The following HIRA variants were observed in gnomAD, a reference collection of about 807,000 sequenced individuals.
HIRA encodes protein HIRA.
Under a neutral mutation model 126.6 loss-of-function variants are expected in HIRA, and 13 were observed. The ratio of observed to expected loss-of-function variants is 0.10; its 90% CI spans 0.07 to 0.16. The LOEUF (loss-of-function observed/expected upper bound fraction) is 0.16, where lower values mean the gene tolerates loss of function less well. Among genes scored for constraint, HIRA ranks in the 10% least tolerant of loss-of-function variants. The probability of loss-of-function intolerance (pLI) is 1.00; values close to 1 mark genes in which losing one functional copy is unlikely to be tolerated. For synonymous variants in HIRA, 511 were observed against 520.0 expected (o/e 0.98, Z 0.24); for missense variants, 834 against 1,314.4 (o/e 0.63, Z 5.65).
At chr22:19,366,227 T>TG (rs1364109969) in intron 15 of HIRA, among the ~76,000 whole-genome samples, 8 of 151,138 alleles carry the variant, frequency 5.3e-5, no homozygotes, top group East Asian at 3.9e-4. Context: ...CCAGGTGTGG[T>TG]GGGGGGCGCC....
chr22:19,369,001 T>G (rs2088940059), intron 15 of HIRA, among the ~76,000 whole-genome samples: 1 of 152,164 alleles, frequency 6.6e-6, no homozygotes, highest in Admixed American at 6.5e-5. Flanking sequence ...TGGGCTTGTA[T>G]CAGTTGTTAC....
chr22:19,391,712 C>T (rs1210025608), intron 9 of HIRA, among the ~76,000 whole-genome samples: 1 of 152,098 alleles, frequency 6.6e-6, no homozygotes, highest in Non-Finnish European at 1.5e-5. Flanking sequence ...GAACTCCTGA[C>T]CTTGTGATCC....
intron 24 of HIRA, among the ~76,000 whole-genome samples, chr22:19,349,010 C>T (rs1307092459): frequency 6.6e-6 from 1 of 151,730 alleles, no homozygotes; most frequent in Non-Finnish European, 1.5e-5. Flanking sequence ...TCTCAAACTC[C>T]TGACCTCAGG....
intron 15 of HIRA, among the ~76,000 whole-genome samples, chr22:19,364,478 G>A (rs2088894181): frequency 1.3e-5 from 2 of 152,096 alleles, no homozygotes; most frequent in South Asian, 4.2e-4. Flanking sequence ...CCCAACAGCA[G>A]GTGCTCATTT....
At chr22:19,364,840 T>C (rs986169569) in intron 15 of HIRA, among the ~76,000 whole-genome samples, 3 of 152,162 alleles carry the variant, frequency 2.0e-5, no homozygotes, top group African/African-American at 7.2e-5. Context: ...GGAAGGCACA[T>C]TGAAAGCTGA....
intron 24 of HIRA, among the ~76,000 whole-genome samples, chr22:19,338,409 A>G (rs79229939): frequency 2.3e-4 from 6 of 26,530 alleles, no homozygotes. Context: ...TAACAAAATG[A>G]AAAAAAAAAA....
Position 19,429,219 on chromosome 22 carries a change from C to A in HIRA, c.37+2221G>T, listed in dbSNP as rs2089512189. 2.9e-5 allele frequency among the ~76,000 whole-genome samples: 4 copies of A among 138,716 alleles called. No individual in the cohort carries two copies. The South Asian group carries it at 9.7e-4, about 34-fold the overall frequency. 91.0% of individuals were successfully genotyped at this position (138,716 alleles called of 152,430 possible). ...GTGGCGCGATCTCGGCTCACTGCAA[C>A]CTCTACCTCCCGGGCTCAAGCGATT... On this transcript the variant is annotated intron_variant, in intron 1 of 24. Coordinates refer to ENST00000263208, the MANE Select transcript of HIRA (RefSeq NM_003325.4).
In HIRA at chr22:19,392,165, G is replaced by T; in HGVS notation, c.872C>A (p.Ala291Glu). ...GCAGCAGTACGGGCAGCTAGGCTTC[G>T]CAGAACTCCCATTCTTCTGCTTCTT... is the stretch of plus-strand genomic sequence containing the variant. ...FKKKQKNGSS[A>E]KPSCPYCCCA... The change falls in exon 9 of 25, where the codon GCG becomes GAG. Residue 291 changes from alanine to glutamate, a missense_variant. By Grantham distance (107) the Ala-to-Glu change is moderately radical (BLOSUM62 -1). Around this residue, in one of 5 missense-constraint regions of HIRA, gnomAD observed 153 missense variants for 270.6 expected, o/e 0.57. Transcript: ENST00000263208. 1.2e-6 allele frequency: 2 copies of T among 1,608,508 alleles called. No individual in the cohort carries two copies. The highest frequency in any genetic ancestry group is 1.7e-6 in the Non-Finnish European group (2 of 1,175,464).
chr22:19,367,077 T>C (rs1601821655), intron 15 of HIRA, among the ~76,000 whole-genome samples: 2 of 152,184 alleles, frequency 1.3e-5, no homozygotes, highest in South Asian at 2.1e-4. Context: ...TTGGCATACA[T>C]TGAAATATCA....
intron 24 of HIRA, among the ~76,000 whole-genome samples, chr22:19,348,193 G>A (rs2088709500): frequency 6.6e-6 from 1 of 152,222 alleles, no homozygotes; most frequent in Non-Finnish European, 1.5e-5. Context: ...GTTGGCAGAA[G>A]CAAATAGAAG....
In HIRA at chr22:19,347,159, C is replaced by T. The variant is rs376669340; in HGVS notation, c.2937+4199G>A. On this transcript the variant is annotated intron_variant, in intron 24 of 24. Coordinates refer to ENST00000263208, the MANE Select transcript of HIRA (RefSeq NM_003325.4). ...CCTCCCACTCTAGTAGATGGCTCATCGGCCTGTCCTGGAGGTGAGATGTGC... is the reference window on the plus strand; with the variant it reads ...CCTCCCACTCTAGTAGATGGCTCATTGGCCTGTCCTGGAGGTGAGATGTGC... Among the ~76,000 whole-genome samples, 190 of 152,310 alleles carry T rather than the reference C, an allele frequency of 1.2e-3. 1 individual carries two copies. Among genetic ancestry groups the T allele is most frequent in the South Asian group, 8.7e-3 (42 of 4,822 alleles).
Position 19,331,249 on chromosome 22 carries a change from TG to T in HIRA, c.*190del. On this transcript the variant is annotated 3_prime_UTR_variant, in exon 25 of 25. Coordinates refer to ENST00000263208, the MANE Select transcript of HIRA (RefSeq NM_003325.4). ...GAGGGAGGGATGAGCTTCCCCCTCC[TG>T]AGGCAATGTCAGACCCAGGACACAG... is the stretch of plus-strand genomic sequence containing the variant. The T allele has an allele frequency of 6.6e-7, 1 of 1,512,224 alleles. No individual in the cohort carries two copies. Among genetic ancestry groups the T allele is most frequent in the South Asian group, 1.2e-5 (1 of 84,070 alleles). The allele number at this position is 1,512,224 out of a possible 1,614,324, so 93.7% of individuals were successfully genotyped here.
chr22:19,407,138 AG>A (rs1225760748), intron 4 of HIRA, 45 bp downstream of exon 4: 2 of 1,480,518 alleles, frequency 1.4e-6, no homozygotes. Context: ...AGACCAGCAA[AG>A]CAGCTTCTAA....
chr22:19,387,486 T>A (rs2089137706), intron 11 of HIRA, among the ~76,000 whole-genome samples: 1 of 152,208 alleles, frequency 6.6e-6, no homozygotes, highest in Non-Finnish European at 1.5e-5. Flanking sequence ...CCTAAAATAG[T>A]TCTACTCTTA....
At chr22:19,414,872 G>A (rs575735217) in intron 1 of HIRA, among the ~76,000 whole-genome samples, 1 of 152,196 alleles carries the variant, frequency 6.6e-6, no homozygotes, top group East Asian at 1.9e-4. Flanking sequence ...GGGTGACAGA[G>A]TGAGACTGTC....
At chr22:19,431,049 G>T (rs2089532641) in intron 1 of HIRA, among the ~76,000 whole-genome samples, 3 of 152,166 alleles carry the variant, frequency 2.0e-5, no homozygotes, top group Admixed American at 2.0e-4. Context: ...CCACTGAAAG[G>T]CCACAAGGGG....
intron 2 of HIRA, among the ~76,000 whole-genome samples, chr22:19,408,937 T>C (rs1485816761): frequency 2.0e-5 from 3 of 152,118 alleles, no homozygotes; most frequent in African/African-American, 7.2e-5. Context: ...GCACCTAGAC[T>C]CCGACTCCTT....
At chr22:19,411,522 G>T (rs908186427) in intron 1 of HIRA, among the ~76,000 whole-genome samples, 1 of 152,188 alleles carries the variant, frequency 6.6e-6, no homozygotes, top group African/African-American at 2.4e-5. Flanking sequence ...GTGGGCATTT[G>T]TCCAGCTCCC....
chr22:19,335,460 G>A (rs575095572), intron 24 of HIRA, among the ~76,000 whole-genome samples: 12 of 152,248 alleles, frequency 7.9e-5, no homozygotes, highest in Non-Finnish European at 1.5e-4. Flanking sequence ...GGCCAGGCTG[G>A]TCTTGAACTC....
Sources: gnomAD v4.1 joint callset for allele counts (sites outside exome capture counted in the v4.1 genomes callset) on GRCh38, gnomAD v4.1.1 for gene constraint, gnomAD v4.1.1 regional missense constraint, MANE v1.5 for transcripts, NCBI Gene and HGNC (gene_info 2026-07-23, HGNC 2026-07-21) for gene names.